Variants in ADARB1 observed in about 807,000 individuals in gnomAD.
ADARB1 encodes double-stranded RNA-specific editase 1.
In ADARB1, 10 loss-of-function variants were observed where a neutral mutation model predicts 52.4. The observed-to-expected ratio is 0.19, with a 90% CI of 0.12 to 0.32. The LOEUF (loss-of-function observed/expected upper bound fraction) is 0.32. Ranked by LOEUF, ADARB1 falls within the 10% of genes least tolerant of loss-of-function variation. The pLI is 1.00. For missense variants in ADARB1, 643 were observed against 922.3 expected (o/e 0.70, Z 3.92); for synonymous variants, 349 against 371.1 (o/e 0.94, Z 0.68).
At chr21:45,096,514 C>T (rs28656992) in intron 1 of ADARB1, among the ~76,000 whole-genome samples, 2,041 of 152,322 alleles carry the variant, frequency 0.013, 48 homozygotes, top group African/African-American at 0.047. Context: ...AGTGCTCCCC[C>T]TTCATCATCC....
chr21:45,113,529 A>G lies in ADARB1; in HGVS notation c.-219-14873A>G, dbSNP rs535574000. On this transcript the variant is annotated intron_variant, in intron 1 of 10. Coordinates refer to ENST00000348831, the MANE Select transcript of ADARB1 (RefSeq NM_001112.4). ...TGTGTGTGTGTGTGTGTGTGTATAT[A>G]TATATATATGTTGACATGTGAGTTT... is the stretch of plus-strand genomic sequence containing the variant. Among the ~76,000 whole-genome samples, 146 of 151,182 alleles carry G rather than the reference A, an allele frequency of 9.7e-4. 1 individual carries two copies. Among genetic ancestry groups the G allele is most frequent in the African/African-American group, 3.2e-3 (133 of 41,180 alleles).
intron 2 of ADARB1, among the ~76,000 whole-genome samples, chr21:45,154,408 A>G (rs2090453621): frequency 6.6e-6 from 1 of 152,274 alleles, no homozygotes; most frequent in African/African-American, 2.4e-5. Flanking sequence ...AAGATTGGCC[A>G]TCACATTTAT....
In ADARB1 at chr21:45,223,859, T is replaced by C; in HGVS notation, c.*1662T>C. 1.0e-6 allele frequency: 1 copy of C among 985,464 alleles called. No homozygotes were observed. The highest frequency in any genetic ancestry group is 1.2e-6 in the Non-Finnish European group (1 of 830,028). 61.0% of individuals were successfully genotyped at this position (985,464 alleles called of 1,614,324 possible). A position where few individuals can be genotyped will look rare whatever the true frequency, so the allele number is the denominator to read the frequency against. ...GCAGCACGGCAGGAAGGGGTGCTGC[T>C]TAGGGCTCATTGTTGGGGACATGAC... On this transcript the variant is annotated 3_prime_UTR_variant, in exon 11 of 11. Transcript: ENST00000348831.
chr21:45,139,959 TTGACACAGAGTTTCGCTC>T (rs2089628394), intron 2 of ADARB1, among the ~76,000 whole-genome samples: 1 of 118,134 alleles, frequency 8.5e-6, no homozygotes, highest in South Asian at 2.8e-4. Flanking sequence ...TTTTTTTTTT[TTGACACAGAGTTTCGCTC>T]TTGTCACCCA....
intron 4 of ADARB1, among the ~76,000 whole-genome samples, chr21:45,179,629 C>G (rs1334380849): frequency 6.6e-6 from 1 of 152,162 alleles, no homozygotes; most frequent in Admixed American, 6.5e-5. Context: ...TGCAGGTGTT[C>G]CGAACGTCTA....
chr21:45,088,722 A>G (rs1313839719), intron 1 of ADARB1, among the ~76,000 whole-genome samples: 1 of 152,170 alleles, frequency 6.6e-6, no homozygotes, highest in Non-Finnish European at 1.5e-5. Flanking sequence ...TTATTTATTA[A>G]AAAGGGAAAA....
intron 9 of ADARB1, among the ~76,000 whole-genome samples, chr21:45,217,232 A>G (rs1361526521): frequency 1.3e-5 from 2 of 151,932 alleles, no homozygotes; most frequent in African/African-American, 4.8e-5. Flanking sequence ...TTAGGTTTAA[A>G]TTTCATCTTG....
intron 2 of ADARB1, among the ~76,000 whole-genome samples, chr21:45,136,629 G>T (rs9980216): frequency 0.094 from 14,257 of 152,296 alleles, 845 homozygotes; most frequent in East Asian, 0.16. Context: ...AGTCCTGTGG[G>T]GACAGCTGGC....
chr21:45,130,247 A>G (rs1178666375), intron 2 of ADARB1, among the ~76,000 whole-genome samples: 1 of 152,240 alleles, frequency 6.6e-6, no homozygotes, highest in African/African-American at 2.4e-5. Flanking sequence ...ATTATGCCAT[A>G]TATGTGAAAT....
At chr21:45,091,156 C>T (rs190316700) in intron 1 of ADARB1, among the ~76,000 whole-genome samples, 1 of 152,356 alleles carries the variant, frequency 6.6e-6, no homozygotes, top group African/African-American at 2.4e-5. Flanking sequence ...AGCATATGTT[C>T]TGCTATGTCT....
chr21:45,150,037 A>G (rs926534166), intron 2 of ADARB1, among the ~76,000 whole-genome samples: 1 of 152,262 alleles, frequency 6.6e-6, no homozygotes, highest in African/African-American at 2.4e-5. Flanking sequence ...TAGTCCCAGC[A>G]TTTTGGGAGG....
rs1426250824 is a variant in ADARB1, at chr21:45,176,455, C to T, written c.754C>T (p.Leu252Phe). Residue 252 changes from leucine (L) to phenylalanine (F), a missense_variant, in exon 4 of 11, where the codon CTC (leucine) becomes TTC (phenylalanine). Around this residue, in one of 2 missense-constraint regions of ADARB1, gnomAD observed 380 missense variants for 446.5 expected, o/e 0.85. Coordinates refer to ENST00000348831, the MANE Select transcript of ADARB1 (RefSeq NM_001112.4). This position sits in a 1 kb window ranked among gnomAD's most constrained non-coding sequence, Gnocchi z 5.8. ...GCGCCCAGGACTCAAGTATGACTTC[C>T]TCTCCGAGAGCGGGGAGAGCCATGC... ...ELRPGLKYDFLSESGESHAKS... is the reference protein window; with the variant it reads ...ELRPGLKYDFFSESGESHAKS... 1 of 1,614,204 alleles carries T rather than the reference C, an allele frequency of 6.2e-7. No homozygotes were observed. The highest frequency in any genetic ancestry group is 8.5e-7 in the Non-Finnish European group (1 of 1,180,036).
In ADARB1 at chr21:45,221,122, T is replaced by C; in HGVS notation, c.1926+108T>C. On this transcript the variant is annotated intron_variant, in intron 10 of 10. Coordinates refer to ENST00000348831, the MANE Select transcript of ADARB1 (RefSeq NM_001112.4). The surrounding 1 kb of genome is among the most constrained non-coding windows in gnomAD (Gnocchi z 4.9). ...GTTTCATCATGTCATCATGCACAGCTTCCGAAAACGATCACTTGGAATGAT... is the reference window on the plus strand; with the variant it reads ...GTTTCATCATGTCATCATGCACAGCCTCCGAAAACGATCACTTGGAATGAT... 7.8e-7 allele frequency: 1 copy of C among 1,278,332 alleles called. No homozygotes were observed. Among genetic ancestry groups the C allele is most frequent in the Non-Finnish European group, 1.1e-6 (1 of 944,752 alleles). The allele number at this position is 1,278,332 out of a possible 1,614,324, so 79.2% of individuals were successfully genotyped here.
intron 4 of ADARB1, among the ~76,000 whole-genome samples, chr21:45,178,020 T>C (rs2091770789): frequency 6.6e-6 from 1 of 152,184 alleles, no homozygotes; most frequent in African/African-American, 2.4e-5. Flanking sequence ...GATTACTCTT[T>C]GCTAAAATAT....
chr21:45,116,190 CAT>C (rs1317863299), intron 1 of ADARB1, among the ~76,000 whole-genome samples: 1 of 152,216 alleles, frequency 6.6e-6, no homozygotes, highest in African/African-American at 2.4e-5. Context: ...TGCTTGAGCT[CAT>C]TTTTGTCTTC....
intron 9 of ADARB1, among the ~76,000 whole-genome samples, chr21:45,217,526 C>T (rs901407181): frequency 6.6e-6 from 1 of 152,126 alleles, no homozygotes; most frequent in African/African-American, 2.4e-5. Context: ...TGTTTTCAGA[C>T]ACTTTTGCAT....
intron 9 of ADARB1, among the ~76,000 whole-genome samples, chr21:45,215,086 C>T (rs2092835901): frequency 6.6e-6 from 1 of 152,148 alleles, no homozygotes; most frequent in South Asian, 2.1e-4. Context: ...CTCACTCTTT[C>T]ACCCAGGCTG....
intron 8 of ADARB1, among the ~76,000 whole-genome samples, chr21:45,203,040 C>T (rs983785325): frequency 5.9e-5 from 9 of 152,286 alleles, no homozygotes; most frequent in East Asian, 3.9e-4. Context: ...CCCTGCAGCG[C>T]GTGCCACACT....
chr21:45,149,900 A>G (rs1351961748), intron 2 of ADARB1, among the ~76,000 whole-genome samples: 1 of 152,282 alleles, frequency 6.6e-6, no homozygotes, highest in African/African-American at 2.4e-5. Flanking sequence ...ATAGTGCAAC[A>G]GAGACATGGC....
Sources: gnomAD v4.1 joint callset for allele counts (sites outside exome capture counted in the v4.1 genomes callset) on GRCh38, gnomAD v4.1.1 for gene constraint, gnomAD v4.1.1 regional missense constraint, Gnocchi (gnomAD v3.1) non-coding constraint, MANE v1.5 for transcripts, NCBI Gene and HGNC (gene_info 2026-07-23, HGNC 2026-07-21) for gene names.